MKLN1: variants seen among roughly 807,000 people sequenced by gnomAD.
The protein encoded by MKLN1 is muskelin.
In MKLN1, 18 loss-of-function variants were observed where a neutral mutation model predicts 99.0. That is an observed-to-expected ratio of 0.18 (90% CI 0.13 to 0.27). The LOEUF is 0.27. MKLN1 is among the 10% of genes least tolerant of loss of function. The pLI is 1.00. For missense variants in MKLN1, 621 were observed against 875.9 expected, an observed-to-expected ratio of 0.71 and a Z score of 3.67; for synonymous variants, 288 against 293.2, an observed-to-expected ratio of 0.98 and a Z score of 0.18.
chr7:131,347,173 A>G (rs1162623213), intron 1 of MKLN1, among the ~76,000 whole-genome samples: 1 of 152,246 alleles, frequency 6.6e-6, no homozygotes, highest in Non-Finnish European at 1.5e-5. Context: ...AGAGATTAGA[A>G]ACAAAATAGA....
intron 1 of MKLN1, among the ~76,000 whole-genome samples, chr7:131,370,587 A>G (rs1800319010): frequency 1.3e-5 from 2 of 151,986 alleles, no homozygotes; most frequent in East Asian, 1.9e-4. Context: ...GGCAGTCAGC[A>G]ATGCTTGTCT....
intron 2 of MKLN1, among the ~76,000 whole-genome samples, chr7:131,148,370 T>G (rs1271160147): frequency 6.6e-6 from 1 of 152,224 alleles, no homozygotes; most frequent in Non-Finnish European, 1.5e-5. Flanking sequence ...TGAAACAAGT[T>G]AAATTCAATA....
intron 12 of MKLN1, among the ~76,000 whole-genome samples, chr7:131,458,143 A>G (rs1053924013): frequency 1.3e-5 from 2 of 152,340 alleles, no homozygotes; most frequent in South Asian, 2.1e-4. Flanking sequence ...GGGAACAAGA[A>G]GATAGACATT....
chr7:131,386,987 T>TA (rs1303504809), intron 2 of MKLN1, 133 bp from the exon 3 acceptor site: 21 of 755,146 alleles, frequency 2.8e-5, no homozygotes, highest in Non-Finnish European at 3.0e-5. Context: ...TCTATAGCTT[T>TA]AAAAAAATCT....
chr7:131,414,810 C>G, intron 8 of MKLN1, 100 bp downstream of exon 8: 3 of 426,926 alleles, frequency 7.0e-6, no homozygotes, highest in South Asian at 6.0e-5. Context: ...GTGGGGGGCT[C>G]TTACACAAAT....
intron 1 of MKLN1, among the ~76,000 whole-genome samples, chr7:131,349,211 T>TG (rs1276012241): frequency 6.6e-6 from 1 of 151,828 alleles, no homozygotes; most frequent in African/African-American, 2.4e-5. Flanking sequence ...CTTTTTTTTT[T>TG]TTGAGACAGA....
At chr7:131,342,546 G>T (rs1244889547) in intron 1 of MKLN1, among the ~76,000 whole-genome samples, 1 of 152,152 alleles carries the variant, frequency 6.6e-6, no homozygotes, top group Non-Finnish European at 1.5e-5. Context: ...AGTGAAACTT[G>T]TTTATGAATT....
At chr7:131,331,006 A>G (rs1799057617) in intron 1 of MKLN1, among the ~76,000 whole-genome samples, 2 of 152,190 alleles carry the variant, frequency 1.3e-5, no homozygotes, top group South Asian at 4.1e-4. Context: ...AATTCATAAA[A>G]TTACATATAC....
intron 2 of MKLN1, among the ~76,000 whole-genome samples, chr7:131,183,279 G>A (rs1181712769): frequency 1.3e-5 from 2 of 152,202 alleles, no homozygotes; most frequent in East Asian, 1.9e-4. Flanking sequence ...GGTAAGGTAA[G>A]AGAGGTAATC....
At chr7:131,389,836 C>A (rs1051930282) in intron 4 of MKLN1, among the ~76,000 whole-genome samples, 1 of 151,572 alleles carries the variant, frequency 6.6e-6, no homozygotes, top group African/African-American at 2.4e-5. Context: ...TTGCAGTGAG[C>A]CAAGATCATG....
At chr7:131,319,319 A>G (rs1484240824) in intron 3 of MKLN1, among the ~76,000 whole-genome samples, 1 of 152,214 alleles carries the variant, frequency 6.6e-6, no homozygotes, top group East Asian at 1.9e-4. Context: ...GTAATCTATC[A>G]CGTAAACAGA....
At chr7:131,442,975 T>C (rs1795886490) in intron 10 of MKLN1, among the ~76,000 whole-genome samples, 1 of 152,210 alleles carries the variant, frequency 6.6e-6, no homozygotes, top group African/African-American at 2.4e-5. Flanking sequence ...GTAAATGTCC[T>C]TTTGTTTGTT....
chr7:131,238,629 A>G (rs1445477305), intron 3 of MKLN1, among the ~76,000 whole-genome samples: 1 of 152,252 alleles, frequency 6.6e-6, no homozygotes, highest in Admixed American at 6.5e-5. Context: ...TGCTGTAATA[A>G]TCAAACCTAA....
chr7:131,220,641 T>C lies in MKLN1; in HGVS notation c.-179+17667T>C, dbSNP rs75502969. 7.6e-4 allele frequency among the ~76,000 whole-genome samples: 115 copies of C among 152,250 alleles called. 7 individuals are homozygous for C. The East Asian group carries it at 0.022, about 29-fold the overall frequency. On this transcript the variant is annotated intron_variant, in intron 3 of 7. Transcript: ENST00000416992. ...GGTAGAAGAGTGTAGCGTGACATCA[T>C]GGGACAGGGAGATGAAGCAGCTATT...
chr7:131,209,611 T>A (rs1038590008), intron 3 of MKLN1, among the ~76,000 whole-genome samples: 4 of 152,166 alleles, frequency 2.6e-5, no homozygotes, highest in African/African-American at 9.7e-5. Flanking sequence ...CTCTGATAAA[T>A]CCCTCCCAAA....
chr7:131,118,447 G>T (rs1246777239), intron 1 of MKLN1, among the ~76,000 whole-genome samples: 2 of 152,086 alleles, frequency 1.3e-5, no homozygotes, highest in Non-Finnish European at 2.9e-5. Flanking sequence ...CAGCTACTCA[G>T]GAGGCTGAGG....
intron 10 of MKLN1, among the ~76,000 whole-genome samples, chr7:131,440,042 G>A (rs1795794355): frequency 2.0e-5 from 3 of 152,092 alleles, no homozygotes. Context: ...GTATAATAGG[G>A]AGACCTGGGA....
intron 3 of MKLN1, among the ~76,000 whole-genome samples, chr7:131,260,883 T>C (rs1797723010): frequency 7.0e-6 from 1 of 143,042 alleles, no homozygotes; most frequent in Admixed American, 7.6e-5. Flanking sequence ...AACAAAAACA[T>C]GCAATGGGGA....
intron 12 of MKLN1, among the ~76,000 whole-genome samples, chr7:131,458,861 T>C (rs918679507): frequency 6.6e-6 from 1 of 152,206 alleles, no homozygotes; most frequent in Non-Finnish European, 1.5e-5. Context: ...CATTGTATTC[T>C]AGCATTCATT....
Sources: gnomAD v4.1 joint callset for allele counts (sites outside exome capture counted in the v4.1 genomes callset) on GRCh38, gnomAD v4.1.1 for gene constraint, MANE v1.5 for transcripts, NCBI Gene and HGNC (gene_info 2026-07-23, HGNC 2026-07-21) for gene names.